The following MYO1D variants were observed in gnomAD, a reference collection of about 807,000 sequenced individuals.
MYO1D encodes myosin ID, also known as unconventional myosin-Id.
In MYO1D, 83 loss-of-function variants were observed where a neutral mutation model predicts 122.0. That is an observed-to-expected ratio of 0.68 (90% CI 0.57 to 0.82). The LOEUF (loss-of-function observed/expected upper bound fraction) is 0.82. Ranked by LOEUF, MYO1D falls within the 40% of genes least tolerant of loss-of-function variation. MYO1D has a pLI of 0.00. For missense variants in MYO1D, 1,157 were observed against 1,269.5 expected (o/e 0.91, Z 1.35); for synonymous variants, 464 against 446.9 (o/e 1.04, Z -0.48).
At chr17:32,664,099 C>G (rs1442509352) in intron 16 of MYO1D, among the ~76,000 whole-genome samples, 3 of 152,164 alleles carry the variant, frequency 2.0e-5, no homozygotes, top group Admixed American at 2.0e-4. Context: ...CCCTTAGGCT[C>G]TATTTTTTAA....
chr17:32,640,297 A>G (rs1196003793), intron 19 of MYO1D, among the ~76,000 whole-genome samples: 1 of 152,200 alleles, frequency 6.6e-6, no homozygotes, highest in Non-Finnish European at 1.5e-5. Context: ...GTGAGTGAAG[A>G]GCTTCTATAG....
chr17:32,725,859 A>G (rs2089566073), intron 14 of MYO1D, among the ~76,000 whole-genome samples: 1 of 152,198 alleles, frequency 6.6e-6, no homozygotes, highest in South Asian at 2.1e-4. Context: ...AGGGAAAAAA[A>G]AGATTACCTT....
At chr17:32,591,854 G>T (rs1017978649) in intron 21 of MYO1D, among the ~76,000 whole-genome samples, 22 of 152,130 alleles carry the variant, frequency 1.4e-4, no homozygotes, top group African/African-American at 5.1e-4. Context: ...TAGAGGGCCT[G>T]GGATGGGCCC....
chr17:32,804,909 G>A (rs769848225), intron 1 of MYO1D, among the ~76,000 whole-genome samples: 13 of 152,232 alleles, frequency 8.5e-5, no homozygotes, highest in Middle Eastern at 3.4e-3. Flanking sequence ...GCATGATGAG[G>A]TCCTGTATGA....
intron 19 of MYO1D, among the ~76,000 whole-genome samples, chr17:32,640,851 C>G (rs2088189025): frequency 6.6e-6 from 1 of 151,844 alleles, no homozygotes; most frequent in Non-Finnish European, 1.5e-5. Flanking sequence ...AGAAATACTG[C>G]AAACCACAGC....
chr17:32,742,105 A>G (rs1433842635), intron 13 of MYO1D, among the ~76,000 whole-genome samples: 1 of 152,004 alleles, frequency 6.6e-6, no homozygotes, highest in Non-Finnish European at 1.5e-5. Flanking sequence ...TTGAGGGGTC[A>G]TTATTCTCTA....
intron 1 of MYO1D, among the ~76,000 whole-genome samples, chr17:32,861,885 G>A (rs2091080243): frequency 6.6e-6 from 1 of 152,110 alleles, no homozygotes; most frequent in Non-Finnish European, 1.5e-5. Flanking sequence ...GGGCATAGTG[G>A]TACACGCCTG....
chr17:32,799,354 T>A (rs957090028), intron 1 of MYO1D, among the ~76,000 whole-genome samples: 8 of 152,232 alleles, frequency 5.3e-5, no homozygotes, highest in Admixed American at 2.6e-4. Flanking sequence ...GTATATTTTT[T>A]AAGTATCATC....
chr17:32,544,451 C>G (rs1279159837), intron 21 of MYO1D, among the ~76,000 whole-genome samples: 1 of 152,142 alleles, frequency 6.6e-6, no homozygotes, highest in Admixed American at 6.5e-5. Context: ...AAAAATTCTA[C>G]TGTCCAAATT....
intron 16 of MYO1D, among the ~76,000 whole-genome samples, chr17:32,704,109 T>C (rs1163248383): frequency 3.3e-5 from 5 of 152,214 alleles, no homozygotes; most frequent in African/African-American, 9.6e-5. Flanking sequence ...AGCTGTAATT[T>C]TGAAAACTTA....
chr17:32,838,202 T>C (rs1461640202), intron 1 of MYO1D, among the ~76,000 whole-genome samples: 1 of 152,168 alleles, frequency 6.6e-6, no homozygotes, highest in African/African-American at 2.4e-5. Flanking sequence ...AGCAACCTTT[T>C]TGGGGGTACT....
At chr17:32,695,235 C>T (rs1479716975) in intron 16 of MYO1D, among the ~76,000 whole-genome samples, 3 of 152,234 alleles carry the variant, frequency 2.0e-5, no homozygotes, top group East Asian at 1.9e-4. Flanking sequence ...AGCGCACAGC[C>T]TAGATCCCTT....
chr17:32,494,927 A>G lies in MYO1D; in HGVS notation c.2865-12T>C. The stretch of plus-strand genomic sequence containing the variant: ...GGTGGCGCTTCTCACTGCAGGAACC[A>G]AAAACACCAGACGGGCAGTTAGCAG... On this transcript the variant is annotated splice_polypyrimidine_tract_variant and intron_variant, in intron 21 of 21. Transcript: ENST00000318217. 3.2e-6 allele frequency: 5 copies of G among 1,578,614 alleles called. No individual in the cohort carries two copies.
At chr17:32,667,678 A>G (rs546259264) in intron 16 of MYO1D, among the ~76,000 whole-genome samples, 565 of 152,344 alleles carry the variant, frequency 3.7e-3, no homozygotes, top group Admixed American at 6.4e-3. Flanking sequence ...TTGGTGGAAC[A>G]TAATTTAGAA....
chr17:32,779,186 C>T (rs1413374090), intron 2 of MYO1D, among the ~76,000 whole-genome samples: 2 of 152,024 alleles, frequency 1.3e-5, no homozygotes, highest in African/African-American at 4.8e-5. Context: ...TCAAAAATTC[C>T]ACTGGTAGAA....
chr17:32,805,749 G>C (rs192192565), intron 1 of MYO1D, among the ~76,000 whole-genome samples: 1 of 152,206 alleles, frequency 6.6e-6, no homozygotes, highest in Admixed American at 6.5e-5. Context: ...CATTCAGGTT[G>C]GGCTGGTTCA....
intron 21 of MYO1D, among the ~76,000 whole-genome samples, chr17:32,502,640 C>G (rs1357445297): frequency 6.6e-6 from 1 of 152,156 alleles, no homozygotes; most frequent in East Asian, 1.9e-4. Flanking sequence ...CTCCTCATCT[C>G]AAGTTTAGCC....
Position 32,605,088 on chromosome 17 carries a change from T to G in MYO1D, c.2863A>C (p.Ser955Arg), listed in dbSNP as rs748745148. 1.3e-5 allele frequency: 20 copies of G among 1,578,000 alleles called. No homozygotes were observed. The highest frequency in any genetic ancestry group is 1.7e-5 in the Non-Finnish European group (20 of 1,153,420). The stretch of plus-strand genomic sequence containing the variant: ...TTAGTTACAAAAATCAAACTTTACC[T>G]CTTGAAATGATTCACCAGCACTCCA... ...LVGVLVNHFK[S>R]EKRHLQVNVT... Residue 955 changes from serine to arginine, a missense_variant and splice_region_variant, in exon 21 of 22, where the codon AGT (serine) becomes CGT (arginine). Physicochemically the swap from Ser to Arg is moderately radical, Grantham distance 110. Transcript: ENST00000318217.
intron 1 of MYO1D, among the ~76,000 whole-genome samples, chr17:32,819,199 G>C (rs575963089): frequency 1.3e-5 from 2 of 151,362 alleles, no homozygotes; most frequent in Admixed American, 6.6e-5. Flanking sequence ...GTAGAAGTTG[G>C]TTTCAAGTTT....
Sources: gnomAD v4.1 joint callset for allele counts (sites outside exome capture counted in the v4.1 genomes callset) on GRCh38, gnomAD v4.1.1 for gene constraint, MANE v1.5 for transcripts, NCBI Gene and HGNC (gene_info 2026-07-23, HGNC 2026-07-21) for gene names.